The following ZCCHC17 variants were observed in gnomAD, a reference collection of about 807,000 sequenced individuals.
ZCCHC17 encodes the protein zinc finger CCHC domain-containing protein 17.
A neutral mutation model predicts 30.6 loss-of-function variants in ZCCHC17; 18 were observed. The observed-to-expected ratio is 0.59, with a 90% CI of 0.41 to 0.87. ZCCHC17 has a LOEUF of 0.87. ZCCHC17 is among the 40% of genes least tolerant of loss of function. The pLI, the probability that ZCCHC17 is intolerant of heterozygous loss-of-function variation, is 0.00. For synonymous variants in ZCCHC17, 88 were observed against 92.4 expected, an observed-to-expected ratio of 0.95 and a Z score of 0.27; for missense variants, 263 against 284.2, an observed-to-expected ratio of 0.93 and a Z score of 0.54.
chr1:31,317,029 T>TTC (rs1553121270), intron 2 of ZCCHC17, among the ~76,000 whole-genome samples: 7 of 146,396 alleles, frequency 4.8e-5, no homozygotes, highest in African/African-American at 1.0e-4. Flanking sequence ...TTTTTCTTTT[T>TTC]TTTTTTTTTT....
At chr1:31,360,084 A>G (rs1438439920) in intron 7 of ZCCHC17, among the ~76,000 whole-genome samples, 1 of 152,010 alleles carries the variant, frequency 6.6e-6, no homozygotes, top group African/African-American at 2.4e-5. Flanking sequence ...GGTTCAAGCA[A>G]TTCTCCTGCC....
At chr1:31,335,922 G>A (rs1442000625) in intron 3 of ZCCHC17, among the ~76,000 whole-genome samples, 1 of 151,818 alleles carries the variant, frequency 6.6e-6, no homozygotes, top group Non-Finnish European at 1.5e-5. Flanking sequence ...AATTTAAATG[G>A]CTGTTTACTT....
intron 3 of ZCCHC17, among the ~76,000 whole-genome samples, chr1:31,332,099 A>T (rs1324369639): frequency 6.6e-6 from 1 of 152,250 alleles, no homozygotes; most frequent in African/African-American, 2.4e-5. Flanking sequence ...ATGAGGACTG[A>T]GAACCTTCCA....
At chr1:31,314,491 C>A (rs1401648321) in intron 2 of ZCCHC17, among the ~76,000 whole-genome samples, 1 of 149,778 alleles carries the variant, frequency 6.7e-6, no homozygotes, top group Non-Finnish European at 1.5e-5. Flanking sequence ...CACTTTCACA[C>A]ATTCTGTCTT....
chr1:31,346,566 A>G (rs1639279383), intron 5 of ZCCHC17, 74 bp from the exon 6 acceptor site: 3 of 1,475,632 alleles, frequency 2.0e-6, no homozygotes, highest in East Asian at 4.7e-5. Flanking sequence ...AAAAACCAAC[A>G]TACAACCTTA....
intron 5 of ZCCHC17, among the ~76,000 whole-genome samples, chr1:31,339,960 C>CTTTTTTTTTTTTTTTTTTTTTTTT (rs36008834): frequency 1.1e-5 from 1 of 90,424 alleles, no homozygotes; most frequent in African/African-American, 3.5e-5. Flanking sequence ...TCTTGGATTT[C>CTTTTTTTTTTTTTTTTTTTTTTTT]TTTTTTTTTT....
intron 3 of ZCCHC17, among the ~76,000 whole-genome samples, chr1:31,327,937 A>G (rs1431519088): frequency 2.0e-5 from 3 of 152,208 alleles, no homozygotes; most frequent in Non-Finnish European, 4.4e-5. Context: ...CCTCAGCATC[A>G]TGCAGTGTAC....
chr1:31,305,364 C>T (rs566323434), intron 1 of ZCCHC17, among the ~76,000 whole-genome samples: 2 of 152,180 alleles, frequency 1.3e-5, no homozygotes, highest in African/African-American at 2.4e-5. Flanking sequence ...AGTGCACTCT[C>T]CATCTCTTGG....
At chr1:31,326,083 C>A (rs370231332) in intron 3 of ZCCHC17, among the ~76,000 whole-genome samples, 19 of 152,036 alleles carry the variant, frequency 1.2e-4, no homozygotes, top group African/African-American at 4.6e-4. Context: ...TATAGCATCT[C>A]TCTTCCCCTT....
chr1:31,319,086 A>AT (rs768802003), intron 2 of ZCCHC17, 23 bp from the exon 3 acceptor site: 14 of 1,599,016 alleles, frequency 8.8e-6, no homozygotes, highest in East Asian at 2.2e-5. Flanking sequence ...TGTGACATTG[A>AT]TTTTTTTCCC....
intron 5 of ZCCHC17, among the ~76,000 whole-genome samples, chr1:31,339,960 C>CTTTTTTTTTTTTTTTTTTT (rs36008834): frequency 6.6e-5 from 6 of 90,416 alleles, no homozygotes; most frequent in Non-Finnish European, 8.9e-5. Context: ...TCTTGGATTT[C>CTTTTTTTTTTTTTTTTTTT]TTTTTTTTTT....
chr1:31,301,246 G>C (rs1055389313), intron 1 of ZCCHC17, among the ~76,000 whole-genome samples: 2 of 152,154 alleles, frequency 1.3e-5, no homozygotes, highest in Admixed American at 1.3e-4. Context: ...GGAGATTTGG[G>C]GAGGAAGGAT....
At chr1:31,349,771 T>C (rs1212813114) in intron 7 of ZCCHC17, among the ~76,000 whole-genome samples, 2 of 152,238 alleles carry the variant, frequency 1.3e-5, no homozygotes, top group African/African-American at 4.8e-5. Flanking sequence ...TCCTTAAGTG[T>C]TCAAAAACTT....
rs1203549085 is a variant in ZCCHC17 at position 31,364,290 on chromosome 1, C to T, written c.*97C>T. ...ACTCAATAGTGAGAATATAGCCTCCCACCCCATTAACTTCGCTCCCATGGG... is the reference window on the plus strand; with the variant it reads ...ACTCAATAGTGAGAATATAGCCTCCTACCCCATTAACTTCGCTCCCATGGG... On this transcript the variant is annotated 3_prime_UTR_variant, in exon 8 of 8. Coordinates refer to ENST00000344147, the MANE Select transcript of ZCCHC17 (RefSeq NM_016505.4). The T allele has an allele frequency of 3.4e-6, 5 of 1,465,248 alleles. No individual in the cohort carries two copies. Among genetic ancestry groups the T allele is most frequent in the African/African-American group, 2.9e-5 (2 of 70,068 alleles). 90.8% of individuals were successfully genotyped at this position (1,465,248 alleles called of 1,614,324 possible).
chr1:31,311,007 G>C (rs996956188), intron 2 of ZCCHC17, among the ~76,000 whole-genome samples: 1 of 152,122 alleles, frequency 6.6e-6, no homozygotes, highest in Non-Finnish European at 1.5e-5. Context: ...TCTTTACTGG[G>C]ATCCCTGCTT....
rs532964536 is a variant in ZCCHC17, at chr1:31,339,800, G to A, written c.317+752G>A. Among the ~76,000 whole-genome samples, 37 of 152,164 alleles carry A rather than the reference G, an allele frequency of 2.4e-4. No individual in the cohort carries two copies. In the South Asian group the frequency reaches 6.8e-3, roughly 28 times the overall value. On this transcript the variant is annotated intron_variant, in intron 5 of 7. Coordinates refer to ENST00000344147, the MANE Select transcript of ZCCHC17 (RefSeq NM_016505.4). ...GTAATCCAGGAACAACTCCAGCGGGGTTTAGACTCCCACATCTTGGGATAC... is the reference window on the plus strand; with the variant it reads ...GTAATCCAGGAACAACTCCAGCGGGATTTAGACTCCCACATCTTGGGATAC...
intron 1 of ZCCHC17, among the ~76,000 whole-genome samples, chr1:31,302,937 C>T (rs1472720894): frequency 3.9e-5 from 6 of 152,152 alleles, no homozygotes; most frequent in African/African-American, 1.4e-4. Context: ...GACACAAAGC[C>T]AAACCATATT....
At chr1:31,353,189 T>G (rs1639530120) in intron 7 of ZCCHC17, among the ~76,000 whole-genome samples, 1 of 152,234 alleles carries the variant, frequency 6.6e-6, no homozygotes, top group Admixed American at 6.5e-5. Flanking sequence ...AATGGCTATT[T>G]AAGTTCTTTG....
chr1:31,328,571 CAT>C (rs35163262), intron 3 of ZCCHC17, among the ~76,000 whole-genome samples: 82,371 of 151,690 alleles, frequency 0.54, 23,255 homozygotes, highest in Non-Finnish European at 0.62. Flanking sequence ...ATAGGAAAAA[CAT>C]AGTATGTATA....
Sources: allele counts gnomAD v4.1 joint callset (sites outside exome capture counted in the v4.1 genomes callset), GRCh38; gene constraint gnomAD v4.1.1; transcripts MANE v1.5; gene names NCBI Gene and HGNC (gene_info 2026-07-23, HGNC 2026-07-21).